IMMP2L: variants seen among roughly 807,000 people sequenced by gnomAD.
The protein encoded by IMMP2L is mitochondrial inner membrane protease subunit 2.
A neutral mutation model predicts 19.3 loss-of-function variants in IMMP2L; 18 were observed. The observed-to-expected ratio is 0.93, with a 90% CI of 0.64 to 1.38. The LOEUF (loss-of-function observed/expected upper bound fraction) is 1.38, where lower values mean the gene tolerates loss of function less well. Among genes scored for constraint, IMMP2L ranks in the 40% most tolerant of loss-of-function variants. The pLI, the probability that IMMP2L is intolerant of heterozygous loss-of-function variation, is 0.00. For synonymous variants in IMMP2L, 76 were observed against 73.0 expected (o/e 1.04, Z -0.21); for missense variants, 233 against 218.2 (o/e 1.07, Z -0.43).
chr7:111,226,587 T>C (rs961482609), intron 3 of IMMP2L, among the ~76,000 whole-genome samples: 1 of 152,118 alleles, frequency 6.6e-6, no homozygotes, highest in African/African-American at 2.4e-5. Flanking sequence ...ATTGCGCTCT[T>C]TGATTTTCTG....
At chr7:110,691,670 C>CA (rs942943652) in intron 5 of IMMP2L, among the ~76,000 whole-genome samples, 38 of 151,896 alleles carry the variant, frequency 2.5e-4, no homozygotes, top group Admixed American at 5.3e-4. Flanking sequence ...AGACATATCT[C>CA]AAAAAAAGAT....
chr7:111,302,339 T>C (rs1822347779), intron 3 of IMMP2L, among the ~76,000 whole-genome samples: 1 of 152,144 alleles, frequency 6.6e-6, no homozygotes, highest in Non-Finnish European at 1.5e-5. Flanking sequence ...AACCAAAATA[T>C]AAGTTTCATA....
At chr7:111,446,647 C>T (rs1313138226) in intron 3 of IMMP2L, among the ~76,000 whole-genome samples, 9 of 152,286 alleles carry the variant, frequency 5.9e-5, no homozygotes, top group South Asian at 2.1e-4. Flanking sequence ...AAACACAGAG[C>T]GCCTCTCCTC....
chr7:111,282,963 A>G (rs1368312754), intron 3 of IMMP2L, among the ~76,000 whole-genome samples: 1 of 152,164 alleles, frequency 6.6e-6, no homozygotes, highest in African/African-American at 2.4e-5. Flanking sequence ...GAACAATACT[A>G]TAAACAACTA....
At chr7:110,811,340 TCACAGAAAA>T (rs1802020790) in intron 5 of IMMP2L, among the ~76,000 whole-genome samples, 1 of 151,988 alleles carries the variant, frequency 6.6e-6, no homozygotes, top group Non-Finnish European at 1.5e-5. Context: ...AAAGAAGATA[TCACAGAAAA>T]TCCTAAAAAT....
At chr7:110,979,291 C>T (rs1430491381) in intron 3 of IMMP2L, among the ~76,000 whole-genome samples, 1 of 152,046 alleles carries the variant, frequency 6.6e-6, no homozygotes, top group Non-Finnish European at 1.5e-5. Flanking sequence ...TATTTTCTTA[C>T]TATTTATGTC....
intron 5 of IMMP2L, among the ~76,000 whole-genome samples, chr7:110,794,046 G>T (rs1198826871): frequency 2.0e-5 from 3 of 152,066 alleles, no homozygotes; most frequent in Non-Finnish European, 4.4e-5. Context: ...ATTCATTGCT[G>T]GTAGAAATGC....
intron 5 of IMMP2L, among the ~76,000 whole-genome samples, chr7:110,852,002 G>A (rs1054409105): frequency 1.3e-5 from 2 of 152,022 alleles, no homozygotes; most frequent in African/African-American, 4.8e-5. Context: ...AATTGACACT[G>A]CATGACTGCT....
chr7:111,433,833 T>G (rs966241202), intron 3 of IMMP2L, among the ~76,000 whole-genome samples: 1 of 151,670 alleles, frequency 6.6e-6, no homozygotes, highest in African/African-American at 2.4e-5. Context: ...AACCATAGAA[T>G]GGAAGAAATA....
At chr7:111,376,555 T>G (rs1830692891) in intron 3 of IMMP2L, among the ~76,000 whole-genome samples, 1 of 152,120 alleles carries the variant, frequency 6.6e-6, no homozygotes, top group Non-Finnish European at 1.5e-5. Flanking sequence ...CCTAGCTATA[T>G]ATATATGAGA....
intron 3 of IMMP2L, among the ~76,000 whole-genome samples, chr7:111,073,396 ATAT>A (rs946389123): frequency 2.3e-4 from 35 of 152,256 alleles, no homozygotes; most frequent in African/African-American, 8.4e-4. Flanking sequence ...CTATTCTTGC[ATAT>A]TTTTTACAAG....
intron 3 of IMMP2L, among the ~76,000 whole-genome samples, chr7:111,039,832 G>A (rs1791718118): frequency 6.6e-6 from 1 of 152,106 alleles, no homozygotes; most frequent in Non-Finnish European, 1.5e-5. Context: ...CTGCATTGCA[G>A]CAGCACATTA....
At chr7:111,258,219 G>A (rs1468156217) in intron 3 of IMMP2L, among the ~76,000 whole-genome samples, 1 of 152,082 alleles carries the variant, frequency 6.6e-6, no homozygotes, top group African/African-American at 2.4e-5. Flanking sequence ...AAATCTCAAT[G>A]ATGAAGATAT....
At chr7:111,137,936 A>G (rs1406864100) in intron 3 of IMMP2L, among the ~76,000 whole-genome samples, 6 of 152,150 alleles carry the variant, frequency 3.9e-5, no homozygotes, top group Non-Finnish European at 8.8e-5. Context: ...GTGATCCTCC[A>G]GCCTCAGCTT....
chr7:110,740,652 T>C (rs934382392), intron 5 of IMMP2L, among the ~76,000 whole-genome samples: 9 of 152,030 alleles, frequency 5.9e-5, no homozygotes, highest in Non-Finnish European at 1.0e-4. Flanking sequence ...GAAGTCTTGG[T>C]GCCAATCCTA....
chr7:111,170,358 A>G (rs531241927), intron 3 of IMMP2L, among the ~76,000 whole-genome samples: 2 of 151,966 alleles, frequency 1.3e-5, no homozygotes, highest in South Asian at 4.1e-4. Flanking sequence ...TAAGAGCAGA[A>G]TTAATTTCTT....
At chr7:111,390,160 G>A (rs1163206992) in intron 3 of IMMP2L, among the ~76,000 whole-genome samples, 1 of 152,008 alleles carries the variant, frequency 6.6e-6, no homozygotes, top group African/African-American at 2.4e-5. Flanking sequence ...CTTCAACATC[G>A]CCACAGCTGC....
chr7:110,827,738 T>C (rs1803632199), intron 5 of IMMP2L, among the ~76,000 whole-genome samples: 1 of 152,130 alleles, frequency 6.6e-6, no homozygotes, highest in Admixed American at 6.6e-5. Context: ...AATCCCTTTA[T>C]TCACAGGAAA....
intron 3 of IMMP2L, among the ~76,000 whole-genome samples, chr7:111,254,201 T>C (rs1053789709): frequency 6.6e-6 from 1 of 151,690 alleles, no homozygotes. Context: ...AGACTTAAAA[T>C]GTAAAGTTGC....
Sources: allele counts gnomAD v4.1 joint callset (sites outside exome capture counted in the v4.1 genomes callset), GRCh38; gene constraint gnomAD v4.1.1; transcripts MANE v1.5; gene names NCBI Gene and HGNC (gene_info 2026-07-23, HGNC 2026-07-21).